The following FAT4 variants were observed in gnomAD, a reference collection of about 807,000 sequenced individuals.
FAT4 encodes the protein protocadherin Fat 4.
A neutral mutation model predicts 303.9 loss-of-function variants in FAT4; 84 were observed. The observed-to-expected ratio is 0.28, with a 90% CI of 0.23 to 0.33. The LOEUF (loss-of-function observed/expected upper bound fraction) is 0.33. FAT4 is among the 10% of genes least tolerant of loss of function. The pLI, the probability that FAT4 is intolerant of heterozygous loss-of-function variation, is 1.00. For synonymous variants in FAT4, 2,307 were observed against 2,298.8 expected, an observed-to-expected ratio of 1.00 and a Z score of -0.10; for missense variants, 6,005 against 6,146.8, an observed-to-expected ratio of 0.98 and a Z score of 0.77.
intron 8 of FAT4, among the ~76,000 whole-genome samples, chr4:125,435,542 G>T (rs1725421253): frequency 6.6e-6 from 1 of 152,076 alleles, no homozygotes; most frequent in Non-Finnish European, 1.5e-5. Flanking sequence ...TTGGAAAACT[G>T]GTTTTCACCA....
Position 125,415,718 on chromosome 4 carries a change from T to C in FAT4, c.6755T>C (p.Ile2252Thr). Reference protein sequence around the residue: ...TSTVSIVLLDINDFVPVFELS... With the variant: ...TSTVSIVLLDTNDFVPVFELS... ...ACGGTCAGCATTGTTCTACTGGATA[T>C]TAATGACTTTGTTCCTGTATTTGAG... The change falls in exon 6 of 18, where the codon ATT becomes ACT. Residue 2252 changes from isoleucine (I) to threonine (T), a missense_variant. Ile to Thr is a moderately conservative substitution (Grantham distance 89). Transcript: ENST00000394329. The C allele has an allele frequency of 1.2e-6, 2 of 1,614,002 alleles. No homozygotes were observed. The highest frequency in any genetic ancestry group is 2.2e-5 in the East Asian group (1 of 44,852).
At position 125,477,243 on chromosome 4, in the gene FAT4, C is replaced by A; in HGVS notation, c.12388C>A (p.His4130Asn). ...TCAGAGAAGAGGACACGTGGAAAGC[C>A]ATGATTTTGTTGGGTGTATAATGGA... ...ILQRRGHVES[H>N]DFVGCIMEFA... Residue 4130 changes from histidine to asparagine, a missense_variant, in exon 14 of 18, where the codon CAT becomes AAT. Physicochemically the swap from His to Asn is moderately conservative, Grantham distance 68. Transcript: ENST00000394329. The A allele has an allele frequency of 1.3e-6, 2 of 1,552,826 alleles. No homozygotes were observed. The highest frequency in any genetic ancestry group is 8.7e-7 in the Non-Finnish European group (1 of 1,146,292).
chr4:125,365,288 A>T (rs2663252), intron 2 of FAT4, among the ~76,000 whole-genome samples: 95,030 of 151,942 alleles, frequency 0.63, 30,078 homozygotes, highest in African/African-American at 0.74. Context: ...CACAACAGAG[A>T]AGTCTAGATT....
At chr4:125,430,624 C>T (rs2126040945) in intron 7 of FAT4, among the ~76,000 whole-genome samples, 1 of 149,598 alleles carries the variant, frequency 6.7e-6, no homozygotes, top group Admixed American at 6.8e-5. Flanking sequence ...AAAGTTGAGA[C>T]AGTTGAAGAA....
intron 2 of FAT4, among the ~76,000 whole-genome samples, chr4:125,392,194 G>A (rs1475799049): frequency 1.3e-5 from 2 of 151,932 alleles, no homozygotes; most frequent in African/African-American, 4.8e-5. Flanking sequence ...AATCTTGATG[G>A]CATTATCTTA....
chr4:125,443,875 G>C (rs1446521191), intron 8 of FAT4, among the ~76,000 whole-genome samples: 1 of 152,046 alleles, frequency 6.6e-6, no homozygotes, highest in Non-Finnish European at 1.5e-5. Context: ...CTTAACTGTC[G>C]ATCTACGTAC....
chr4:125,382,117 T>C (rs1733564271), intron 2 of FAT4, among the ~76,000 whole-genome samples: 1 of 152,144 alleles, frequency 6.6e-6, no homozygotes, highest in Admixed American at 6.5e-5. Context: ...TCCTTAAGGG[T>C]TGGAAACAAT....
At position 125,321,493 on chromosome 4, in the gene FAT4, C is replaced by A; in HGVS notation, c.5082C>A (p.Ala1694=). ...ATACTGGTATAATTCAGACCGCAGC[C>A]ATTCTGGACCGGGAGCAAGGAGCAT... ...GRHTGIIQTA[A]ILDREQGACL... The change falls in exon 2 of 18, where the codon GCC becomes GCA. Residue 1694 remains alanine (A), a synonymous_variant. Transcript: ENST00000394329. 2 of 1,614,106 alleles carry A rather than the reference C, an allele frequency of 1.2e-6. No homozygotes were observed. Among genetic ancestry groups the A allele is most frequent in the Non-Finnish European group, 1.7e-6 (2 of 1,179,990 alleles).
At chr4:125,389,824 G>A (rs1449331097) in intron 2 of FAT4, among the ~76,000 whole-genome samples, 1 of 152,180 alleles carries the variant, frequency 6.6e-6, no homozygotes, top group Non-Finnish European at 1.5e-5. Flanking sequence ...CTTGTTCATA[G>A]AGATCAGGCC....
intron 14 of FAT4, 32 bp downstream of exon 14, chr4:125,477,366 GA>G (rs781278984): frequency 9.9e-5 from 148 of 1,499,500 alleles, no homozygotes; most frequent in South Asian, 1.4e-4. Context: ...CTGTTTTAAA[GA>G]AAAAAAATGC....
chr4:125,411,829 A>G (rs188906005), intron 5 of FAT4, among the ~76,000 whole-genome samples: 4 of 116,534 alleles, frequency 3.4e-5, no homozygotes, highest in Admixed American at 3.1e-4. Context: ...ATATCTACAT[A>G]TCTATATATA....
At position 125,490,450 on chromosome 4, in the gene FAT4, C is replaced by A. The variant is rs200092854; in HGVS notation, c.13634C>A (p.Pro4545Gln). Residue 4545 changes from proline (P) to glutamine (Q), a missense_variant, in exon 18 of 18, where the codon CCG becomes CAG. Physicochemically the swap from Pro to Gln is moderately conservative, Grantham distance 76. Coordinates refer to ENST00000394329, the MANE Select transcript of FAT4 (RefSeq NM_001291303.3). The part of the protein sequence containing the change: ...KAKNPKEEKK[P>Q]KEKKKKGSEN... ...AAAAATCCCAAAGAGGAGAAGAAACCGAAGGAGAAGAAGAAAAAGGGAAGT... is the reference window on the plus strand; with the variant it reads ...AAAAATCCCAAAGAGGAGAAGAAACAGAAGGAGAAGAAGAAAAAGGGAAGT... 10 of 1,613,966 alleles carry A rather than the reference C, an allele frequency of 6.2e-6. No individual in the cohort carries two copies. The highest frequency in any genetic ancestry group is 3.3e-4 in the Middle Eastern group (2 of 6,062).
intron 2 of FAT4, among the ~76,000 whole-genome samples, chr4:125,381,277 T>C (rs1251546898): frequency 6.6e-6 from 1 of 152,216 alleles, no homozygotes; most frequent in African/African-American, 2.4e-5. Context: ...TATACTTTTC[T>C]AAGCCCATAG....
At chr4:125,479,692 TCTC>T (rs747909564) in intron 14 of FAT4, 46 bp from the exon 15 acceptor site, 4 of 1,464,090 alleles carry the variant, frequency 2.7e-6, no homozygotes, top group Non-Finnish European at 3.7e-6. Flanking sequence ...TTAGCAAACT[TCTC>T]CTCATCTTTT....
At position 125,318,804 on chromosome 4, in the gene FAT4, A is replaced by G; in HGVS notation, c.2393A>G (p.Tyr798Cys). The G allele has an allele frequency of 6.2e-7, 1 of 1,614,198 alleles. No individual in the cohort carries two copies. The highest frequency in any genetic ancestry group is 8.5e-7 in the Non-Finnish European group (1 of 1,180,032). The change falls in exon 2 of 18, where the codon TAC (tyrosine) becomes TGC (cysteine). Residue 798 changes from tyrosine to cysteine, a missense_variant. By Grantham distance (194) the Tyr-to-Cys change is radical. Transcript: ENST00000394329. Reference protein sequence around the residue: ...DNPPVFSQVAYSFVVFENVAL... With the variant: ...DNPPVFSQVACSFVVFENVAL... ...CCACCTGTATTCAGTCAGGTTGCCT[A>G]CAGCTTTGTGGTTTTTGAGAACGTG...
chr4:125,325,953 G>T (rs1731133249), intron 2 of FAT4, among the ~76,000 whole-genome samples: 1 of 152,038 alleles, frequency 6.6e-6, no homozygotes, highest in African/African-American at 2.4e-5. Context: ...TGTAAACAGT[G>T]TTGATTTCCC....
rs368928868 is a variant in FAT4 at position 125,452,098 on chromosome 4, G to A, written c.11088G>A (p.Thr3696=). The A allele has an allele frequency of 8.4e-5, 135 of 1,614,012 alleles. No homozygotes were observed. The highest frequency in any genetic ancestry group is 1.0e-4 in the Non-Finnish European group (122 of 1,180,032). Residue 3696 remains threonine, a synonymous_variant, in exon 10 of 18, where the codon ACG becomes ACA. Coordinates refer to ENST00000394329, the MANE Select transcript of FAT4 (RefSeq NM_001291303.3). ...ATGATGGAGTTCACAGCACAGTCACGAGCAACATCCGAGTTTTCTTTGCTG... is the reference window on the plus strand; with the variant it reads ...ATGATGGAGTTCACAGCACAGTCACAAGCAACATCCGAGTTTTCTTTGCTG... ...LSNDGVHSTV[T]SNIRVFFAGF...
Position 125,434,372 on chromosome 4 carries a change from T to C in FAT4, c.7146T>C (p.Asp2382=), listed in dbSNP as rs767846458. The C allele has an allele frequency of 6.2e-7, 1 of 1,614,048 alleles. No individual in the cohort carries two copies. The highest frequency in any genetic ancestry group is 8.5e-7 in the Non-Finnish European group (1 of 1,179,950). ...CTGAGGATGCACCAACTGGAACAGA[T>C]GTTTTATTGGTAAATGCCTCAGATG... ...TIPEDAPTGT[D]VLLVNASDAD... Residue 2382 remains aspartate, a synonymous_variant, in exon 8 of 18, where the codon GAT becomes GAC. Coordinates refer to ENST00000394329, the MANE Select transcript of FAT4 (RefSeq NM_001291303.3).
At chr4:125,463,776 G>A (rs1479783551) in intron 11 of FAT4, 109 bp downstream of exon 11, 1 of 556,354 alleles carries the variant, frequency 1.8e-6, no homozygotes, top group Non-Finnish European at 3.1e-6. Flanking sequence ...TGTTTTACAT[G>A]GAAGGTTTTA....
Sources: allele counts gnomAD v4.1 joint callset (sites outside exome capture counted in the v4.1 genomes callset), GRCh38; gene constraint gnomAD v4.1.1; transcripts MANE v1.5; gene names NCBI Gene and HGNC (gene_info 2026-07-23, HGNC 2026-07-21).